The following MAP3K10 variants were observed in gnomAD, a reference collection of about 807,000 sequenced individuals.
MAP3K10 encodes mitogen-activated protein kinase kinase kinase 10.
Under a neutral mutation model 75.0 loss-of-function variants are expected in MAP3K10, and 22 were observed. The observed-to-expected ratio is 0.29, with a 90% CI of 0.21 to 0.42. The LOEUF (loss-of-function observed/expected upper bound fraction) is 0.42. Ranked by LOEUF, MAP3K10 falls within the 10% of genes least tolerant of loss-of-function variation. The probability of loss-of-function intolerance (pLI) is 1.00; values close to 1 mark genes in which losing one functional copy is unlikely to be tolerated. For missense variants in MAP3K10, 1,165 were observed against 1,379.8 expected (o/e 0.84, Z 2.47); for synonymous variants, 599 against 612.9 (o/e 0.98, Z 0.34).
At chr19:40,201,975 C>T (rs1599905015) in intron 2 of MAP3K10, among the ~76,000 whole-genome samples, 1 of 151,462 alleles carries the variant, frequency 6.6e-6, no homozygotes, top group Non-Finnish European at 1.5e-5. Context: ...TTGTCCCCCA[C>T]CCCCCAGGCT....
At chr19:40,200,236 T>C (rs1972991190) in intron 2 of MAP3K10, among the ~76,000 whole-genome samples, 1 of 151,996 alleles carries the variant, frequency 6.6e-6, no homozygotes, top group African/African-American at 2.4e-5. Flanking sequence ...GAGGCAGAGG[T>C]TGAGATGGCG....
chr19:40,198,567 C>T lies in MAP3K10; in HGVS notation c.863+12C>T, dbSNP rs779961088. 1.9e-6 allele frequency: 3 copies of T among 1,599,802 alleles called. No homozygotes were observed. Among genetic ancestry groups the T allele is most frequent in the African/African-American group, 1.3e-5 (1 of 74,678 alleles). ...AGTGATGTCTGGAGGTGCTGAAAGG[C>T]GCGGCCGGGATGGCCTCTGGGGAGT... On this transcript the variant is annotated intron_variant, in intron 2 of 9. Coordinates refer to ENST00000253055, the MANE Select transcript of MAP3K10 (RefSeq NM_002446.4). The surrounding 1 kb of genome is among the most constrained non-coding windows in gnomAD (Gnocchi z 4.3).
chr19:40,199,683 C>T (rs1972981738), intron 2 of MAP3K10, among the ~76,000 whole-genome samples: 1 of 152,068 alleles, frequency 6.6e-6, no homozygotes, highest in South Asian at 2.1e-4. Context: ...AAGTAGGAAG[C>T]CATGAGGAGC....
Position 40,205,902 on chromosome 19 carries a change from C to G in MAP3K10, c.1189-9C>G, listed in dbSNP as rs1165661631. 3.3e-6 allele frequency: 5 copies of G among 1,536,338 alleles called. No individual in the cohort carries two copies. In the African/African-American group the frequency reaches 5.5e-5, roughly 17 times the overall value. ...GCCCCTCCCCCCAGCCACCGCCTCT[C>G]CTTCCCAGGAGCTTCGGAGCCGTGA... is the stretch of plus-strand genomic sequence containing the variant. On this transcript the variant is annotated splice_polypyrimidine_tract_variant and intron_variant, in intron 4 of 9. Transcript: ENST00000253055. The surrounding 1 kb of genome is among the most constrained non-coding windows in gnomAD (Gnocchi z 4.3).
intron 5 of MAP3K10, among the ~76,000 whole-genome samples, chr19:40,208,354 T>TA (rs1973165591): frequency 2.0e-5 from 2 of 101,252 alleles, no homozygotes; most frequent in African/African-American, 8.6e-5. Context: ...TCTTTTTTTT[T>TA]TTTTTTTTTT....
rs1423052420 is a variant in MAP3K10, at chr19:40,213,161, C to T, written c.1810C>T (p.Pro604Ser). ...GTCCCCCAAACACACACCCATCGCC[C>T]CTGGCTTTGCCAGCCTCAATGAGAT... The part of the protein sequence containing the change: ...GKSPKHTPIA[P>S]GFASLNEMEE... Residue 604 changes from proline (P) to serine (S), a missense_variant, in exon 8 of 10, where the codon CCT becomes TCT. Pro to Ser is a moderately conservative substitution (Grantham distance 74, BLOSUM62 -1). Around this residue, in one of 2 missense-constraint regions of MAP3K10, gnomAD observed 590 missense variants for 586.6 expected, o/e 1.01. Transcript: ENST00000253055. The surrounding 1 kb of genome is among the most constrained non-coding windows in gnomAD (Gnocchi z 5.7). 6.3e-7 allele frequency: 1 copy of T among 1,589,790 alleles called. No individual in the cohort carries two copies. Among genetic ancestry groups the T allele is most frequent in the Non-Finnish European group, 8.6e-7 (1 of 1,169,276 alleles).
In MAP3K10 at chr19:40,198,290, G is replaced by A. The variant is rs78096456; in HGVS notation, c.683-85G>A. On this transcript the variant is annotated intron_variant, in intron 1 of 9. Transcript: ENST00000253055. This position sits in a 1 kb window ranked among gnomAD's most constrained non-coding sequence, Gnocchi z 4.3. ...CCTGAGGCAGTGAGAGGAAAGACGT[G>A]TTTCTAGCTGAGGCAGCGGGCCAGA... The A allele has an allele frequency of 1.1e-5, 15 of 1,346,520 alleles. No individual in the cohort carries two copies. The Middle Eastern group carries it at 5.7e-4, about 51-fold the overall frequency. 83.4% of individuals were successfully genotyped at this position (1,346,520 alleles called of 1,614,324 possible). A position where few individuals can be genotyped will look rare whatever the true frequency, so the allele number is the denominator to read the frequency against.
chr19:40,208,345 C>CTTTTTTTTTTTTTTTTTTT (rs747110243), intron 5 of MAP3K10, among the ~76,000 whole-genome samples: 7 of 55,916 alleles, frequency 1.3e-4, no homozygotes, highest in Non-Finnish European at 1.7e-4. Context: ...CTCTTTCTTT[C>CTTTTTTTTTTTTTTTTTTT]TTTTTTTTTT....
Position 40,213,055 on chromosome 19 carries a change from ATC to A in MAP3K10, c.1725-16_1725-15del. 6.2e-7 allele frequency: 1 copy of A among 1,603,024 alleles called. No homozygotes were observed. Among genetic ancestry groups the A allele is most frequent in the Non-Finnish European group, 8.5e-7 (1 of 1,174,336 alleles). On this transcript the variant is annotated intron_variant, in intron 7 of 9. Coordinates refer to ENST00000253055, the MANE Select transcript of MAP3K10 (RefSeq NM_002446.4). The surrounding 1 kb of genome is among the most constrained non-coding windows in gnomAD (Gnocchi z 5.7). ...TCCAGGCCACAGGACTGAGGTCTCCATCTCTCCCTGGACCCCGCAGGCTGAAG... is the reference window on the plus strand; with the variant it reads ...TCCAGGCCACAGGACTGAGGTCTCCATCTCCCTGGACCCCGCAGGCTGAAG...
intron 2 of MAP3K10, among the ~76,000 whole-genome samples, chr19:40,201,317 C>G (rs2145078585): frequency 6.6e-6 from 1 of 151,870 alleles, no homozygotes; most frequent in Non-Finnish European, 1.5e-5. Context: ...GGACTACAGG[C>G]ACATGCCACC....
Position 40,192,769 on chromosome 19 carries a change from T to G in MAP3K10, c.682+56T>G. 10 of 1,366,804 alleles carry G rather than the reference T, an allele frequency of 7.3e-6. No homozygotes were observed. Among genetic ancestry groups the G allele is most frequent in the East Asian group, 2.4e-5 (1 of 40,954 alleles). 84.7% of individuals were successfully genotyped at this position (1,366,804 alleles called of 1,614,324 possible). On this transcript the variant is annotated intron_variant, in intron 1 of 9. Transcript: ENST00000253055. This position sits in a 1 kb window ranked among gnomAD's most constrained non-coding sequence, Gnocchi z 7.1. ...CCACAGAACCTCTCAAGGCCAGGCCTAGGTGGTGGGAAACAGGGTGAGGGA... is the reference window on the plus strand; with the variant it reads ...CCACAGAACCTCTCAAGGCCAGGCCGAGGTGGTGGGAAACAGGGTGAGGGA...
chr19:40,194,380 A>T (rs1198014074), intron 1 of MAP3K10, among the ~76,000 whole-genome samples: 1 of 151,610 alleles, frequency 6.6e-6, no homozygotes, highest in Non-Finnish European at 1.5e-5. Flanking sequence ...CTAACATGTG[A>T]CCACGATGTG....
In MAP3K10 at chr19:40,204,677, G is replaced by T. The variant is rs775931124; in HGVS notation, c.1012+44G>T. On this transcript the variant is annotated intron_variant, in intron 3 of 9. Transcript: ENST00000253055. The surrounding 1 kb of genome is among the most constrained non-coding windows in gnomAD (Gnocchi z 4.3). Reference sequence around the variant, plus strand: ...ACGAGGGTAGGCTCAGCTTGGAGTGGCAGGGACCTGTGGGCCCAGACCTTT... The same window carrying T: ...ACGAGGGTAGGCTCAGCTTGGAGTGTCAGGGACCTGTGGGCCCAGACCTTT... The T allele has an allele frequency of 6.3e-7, 1 of 1,594,426 alleles. No homozygotes were observed. The highest frequency in any genetic ancestry group is 8.6e-7 in the Non-Finnish European group (1 of 1,169,132).
At position 40,213,433 on chromosome 19, in the gene MAP3K10, G is replaced by A; in HGVS notation, c.1838-84G>A. ...GGGTCTTGGTCTTGCTGTTGGAGGG[G>A]TCATCGGGGGCTGTCCCTTGGCACA... On this transcript the variant is annotated intron_variant, in intron 8 of 9. Transcript: ENST00000253055. This position sits in a 1 kb window ranked among gnomAD's most constrained non-coding sequence, Gnocchi z 5.7. 2 of 1,549,410 alleles carry A rather than the reference G, an allele frequency of 1.3e-6. No homozygotes were observed. The highest frequency in any genetic ancestry group is 1.2e-5 in the South Asian group (1 of 84,282).
Position 40,214,017 on chromosome 19 carries a change from C to CCGCCCG in MAP3K10, c.2344_2349dup (p.Ala782_Pro783dup). ...GGCCGCGCCCTCCCCACCACCCTCC[C>CCGCCCG]CGCCCGCGCCCACACCCACGCCCTC... is the stretch of plus-strand genomic sequence containing the variant. On this transcript the variant is annotated inframe_insertion, in exon 9 of 10. Coordinates refer to ENST00000253055, the MANE Select transcript of MAP3K10 (RefSeq NM_002446.4). 6.6e-7 allele frequency: 1 copy of CCGCCCG among 1,507,586 alleles called. No homozygotes were observed. The allele number at this position is 1,507,586 out of a possible 1,614,324, so 93.4% of individuals were successfully genotyped here. A position where few individuals can be genotyped will look rare whatever the true frequency, so the allele number is the denominator to read the frequency against.
Position 40,213,833 on chromosome 19 carries a change from GC to G in MAP3K10, c.2155del (p.Arg719GlyfsTer103). 1 of 1,331,468 alleles carries G rather than the reference GC, an allele frequency of 7.5e-7. No individual in the cohort carries two copies. The highest frequency in any genetic ancestry group is 9.6e-7 in the Non-Finnish European group (1 of 1,041,394). 82.5% of individuals were successfully genotyped at this position (1,331,468 alleles called of 1,614,324 possible). A position where few individuals can be genotyped will look rare whatever the true frequency, so the allele number is the denominator to read the frequency against. ...LFFPRAGRFP[R>X]GLSPPARPHG... ...TCTTTCCCCGCGCCGGCCGCTTCCC[GC>G]GGGGCCTCAGCCCACCCGCGCGTCC... On this transcript the variant is annotated frameshift_variant, in exon 9 of 10. Coordinates refer to ENST00000253055, the MANE Select transcript of MAP3K10 (RefSeq NM_002446.4). LOFTEE classifies it high-confidence loss of function. This position sits in a 1 kb window ranked among gnomAD's most constrained non-coding sequence, Gnocchi z 5.7.
rs201752553 is a variant in MAP3K10, at chr19:40,204,649, G to A, written c.1012+16G>A. On this transcript the variant is annotated intron_variant, in intron 3 of 9. Transcript: ENST00000253055. This position sits in a 1 kb window ranked among gnomAD's most constrained non-coding sequence, Gnocchi z 4.3. ...CTCCTGGAGGGTGAGCCGGGGCCCC[G>A]TGACGAGGGTAGGCTCAGCTTGGAG... is the stretch of plus-strand genomic sequence containing the variant. 11 of 1,608,708 alleles carry A rather than the reference G, an allele frequency of 6.8e-6. No individual in the cohort carries two copies. Among genetic ancestry groups the A allele is most frequent in the South Asian group, 1.1e-5 (1 of 90,932 alleles).
At position 40,213,674 on chromosome 19, in the gene MAP3K10, C is replaced by T. The variant is rs1481497213; in HGVS notation, c.1995C>T (p.His665=). The T allele has an allele frequency of 1.8e-6, 2 of 1,109,978 alleles. No individual in the cohort carries two copies. The highest frequency in any genetic ancestry group is 2.2e-6 in the Non-Finnish European group (2 of 906,650). 68.8% of individuals were successfully genotyped at this position (1,109,978 alleles called of 1,614,324 possible). The change falls in exon 9 of 10, where the codon CAC becomes CAT. Residue 665 remains histidine (H), a synonymous_variant. Transcript: ENST00000253055. The surrounding 1 kb of genome is among the most constrained non-coding windows in gnomAD (Gnocchi z 5.7). ...CCGCGCCCCCCGCTCGGTGGGGACACGGCGCCCGGCGGCGCTGCGACCTGG... is the reference window on the plus strand; with the variant it reads ...CCGCGCCCCCCGCTCGGTGGGGACATGGCGCCCGGCGGCGCTGCGACCTGG... ...TPSAPPARWG[H]GARRRCDLAL... is the part of the protein sequence containing the mutation.
At chr19:40,208,098 A>C (rs1973156480) in intron 5 of MAP3K10, among the ~76,000 whole-genome samples, 1 of 152,122 alleles carries the variant, frequency 6.6e-6, no homozygotes, top group Non-Finnish European at 1.5e-5. Context: ...TACATACCCA[A>C]GTTGCTCCAA....
Sources: gnomAD v4.1 joint callset for allele counts (sites outside exome capture counted in the v4.1 genomes callset) on GRCh38, gnomAD v4.1.1 for gene constraint, gnomAD v4.1.1 regional missense constraint, Gnocchi (gnomAD v3.1) non-coding constraint, MANE v1.5 for transcripts, NCBI Gene and HGNC (gene_info 2026-07-23, HGNC 2026-07-21) for gene names.